Variants in MSH3 observed in about 807,000 individuals in gnomAD.
The protein encoded by MSH3 is mutS homolog 3, also known as DNA mismatch repair protein Msh3.
MSH3 carries 106 observed loss-of-function variants against 123.3 expected under a neutral mutation model. The ratio of observed to expected loss-of-function variants is 0.86; its 90% CI spans 0.73 to 1.01. The LOEUF is 1.01. Ranked by LOEUF, MSH3 falls within the 50% of genes least tolerant of loss-of-function variation. The pLI is 0.00. For missense variants in MSH3, 1,459 were observed against 1,347.6 expected, an observed-to-expected ratio of 1.08 and a Z score of -1.29; for synonymous variants, 515 against 481.4, an observed-to-expected ratio of 1.07 and a Z score of -0.91.
At chr5:80,839,568 T>C (rs968348614) in intron 20 of MSH3, among the ~76,000 whole-genome samples, 1 of 152,140 alleles carries the variant, frequency 6.6e-6, no homozygotes, top group African/African-American at 2.4e-5. Flanking sequence ...GAAGGATTGA[T>C]TATGTTGTTT....
chr5:80,854,307 C>T lies in MSH3; in HGVS notation c.2991C>T (p.Phe997=), dbSNP rs1249232114. ...IAIAYATLEY[F]IRDVKSLTLF... is the part of the protein sequence containing the mutation. The stretch of plus-strand genomic sequence containing the variant: ...TTGCCTATGCTACACTTGAGTATTT[C>T]ATCAGAGATGTAAGTATCCGGTAAA... Residue 997 remains phenylalanine (F), a synonymous_variant, in exon 21 of 24, where the codon TTC becomes TTT. Coordinates refer to ENST00000265081, the MANE Select transcript of MSH3 (RefSeq NM_002439.5). The T allele has an allele frequency of 1.9e-6, 3 of 1,613,094 alleles. No homozygotes were observed. In the South Asian group the frequency reaches 3.3e-5, roughly 18 times the overall value.
At chr5:80,794,067 G>A (rs1744653610) in intron 19 of MSH3, among the ~76,000 whole-genome samples, 1 of 152,156 alleles carries the variant, frequency 6.6e-6, no homozygotes, top group South Asian at 2.1e-4. Flanking sequence ...ACCTATCTGG[G>A]TTTACTAATT....
At chr5:80,826,297 T>C (rs1241558685) in intron 20 of MSH3, among the ~76,000 whole-genome samples, 1 of 152,244 alleles carries the variant, frequency 6.6e-6, no homozygotes, top group Non-Finnish European at 1.5e-5. Flanking sequence ...GAATATGTTA[T>C]TGTAAATCAC....
At chr5:80,806,357 A>G (rs543110926) in intron 19 of MSH3, among the ~76,000 whole-genome samples, 2 of 152,324 alleles carry the variant, frequency 1.3e-5, no homozygotes, top group South Asian at 2.1e-4. Context: ...TCGGCCTCCC[A>G]AAGTGCTGGG....
chr5:80,701,312 C>A (rs971487869), intron 8 of MSH3, among the ~76,000 whole-genome samples: 1 of 152,168 alleles, frequency 6.6e-6, no homozygotes, highest in African/African-American at 2.4e-5. Context: ...AACCCTGGCA[C>A]AGCCCTCTGA....
chr5:80,803,668 G>T (rs1407868990), intron 19 of MSH3, among the ~76,000 whole-genome samples: 3 of 151,910 alleles, frequency 2.0e-5, no homozygotes, highest in African/African-American at 4.8e-5. Flanking sequence ...GTGTTCTGAA[G>T]ATTTTCCCCA....
intron 8 of MSH3, among the ~76,000 whole-genome samples, chr5:80,706,348 C>T (rs1475435532): frequency 6.6e-6 from 1 of 152,050 alleles, no homozygotes; most frequent in Non-Finnish European, 1.5e-5. Flanking sequence ...AGCTTTTAAT[C>T]ATGCATGAAA....
intron 10 of MSH3, among the ~76,000 whole-genome samples, chr5:80,738,861 A>T (rs1283739668): frequency 2.0e-5 from 3 of 152,226 alleles, no homozygotes; most frequent in African/African-American, 4.8e-5. Flanking sequence ...GATCGTTTGT[A>T]AATGGGATTA....
chr5:80,870,744 CT>C (rs1191657205), intron 22 of MSH3, among the ~76,000 whole-genome samples: 1 of 152,174 alleles, frequency 6.6e-6, no homozygotes, highest in Non-Finnish European at 1.5e-5. Flanking sequence ...ATCCATTGTC[CT>C]TTTTCTCTGT....
intron 20 of MSH3, among the ~76,000 whole-genome samples, chr5:80,842,859 A>G (rs916434809): frequency 1.3e-5 from 2 of 152,114 alleles, no homozygotes; most frequent in Non-Finnish European, 2.9e-5. Flanking sequence ...AACAGGGACA[A>G]TTTGACTTCC....
intron 20 of MSH3, among the ~76,000 whole-genome samples, chr5:80,815,727 A>G (rs1166796719): frequency 2.6e-5 from 4 of 152,216 alleles, no homozygotes; most frequent in Non-Finnish European, 2.9e-5. Context: ...GGATCCTCCC[A>G]GAAAACTTAC....
rs1580556612 is a variant in MSH3 at position 80,679,083 on chromosome 5, A to G, written c.1330A>G (p.Thr444Ala). 4.3e-6 allele frequency: 7 copies of G among 1,614,028 alleles called. No homozygotes were observed. The highest frequency in any genetic ancestry group is 1.7e-4 in the Middle Eastern group (1 of 5,964). ...EQTEALIHRATSVSVQDDRIR... is the reference protein window; with the variant it reads ...EQTEALIHRAASVSVQDDRIR... The stretch of plus-strand genomic sequence containing the variant: ...AACAGAGGCGCTCATCCACAGAGCC[A>G]CATCTGTTAGGTAAGTTGGCACATC... Residue 444 changes from threonine (T) to alanine (A), a missense_variant, in exon 8 of 24, where the codon ACA becomes GCA. By Grantham distance (58) the Thr-to-Ala change is moderately conservative. Transcript: ENST00000265081.
At chr5:80,680,871 C>A (rs1022955278) in intron 8 of MSH3, among the ~76,000 whole-genome samples, 1 of 152,102 alleles carries the variant, frequency 6.6e-6, no homozygotes, top group African/African-American at 2.4e-5. Flanking sequence ...CATAATTTAT[C>A]CATTCCATTT....
At chr5:80,770,857 T>C (rs1156986734) in intron 15 of MSH3, among the ~76,000 whole-genome samples, 1 of 152,202 alleles carries the variant, frequency 6.6e-6, no homozygotes, top group Non-Finnish European at 1.5e-5. Context: ...GAGAGAAAAT[T>C]ATCAGGAATT....
intron 11 of MSH3, among the ~76,000 whole-genome samples, chr5:80,743,359 T>C (rs972621530): frequency 9.2e-5 from 14 of 152,148 alleles, no homozygotes; most frequent in Non-Finnish European, 1.5e-5. Context: ...TCCATTGAAC[T>C]CCTGAGGCCT....
At position 80,814,157 on chromosome 5, in the gene MSH3, GA is replaced by G. The variant is rs1172137771; in HGVS notation, c.2813+424del. Among the ~76,000 whole-genome samples the G allele has an allele frequency of 1.3e-5, 2 of 150,002 alleles. 1 individual carries two copies. Among genetic ancestry groups the G allele is most frequent in the Admixed American group, 1.3e-4 (2 of 15,040 alleles). On this transcript the variant is annotated intron_variant, in intron 20 of 23. Transcript: ENST00000265081. ...AAAAAAAAAAACAAAAACAAAAACA[GA>G]AAAAAAACCCACGTTATTTTTATTA...
Position 80,672,253 on chromosome 5 carries a change from C to T in MSH3, c.802C>T (p.Arg268Ter), listed in dbSNP as rs201033017. ...FFGEDAEIAA[R>*]ELNIYCHLDH... The stretch of plus-strand genomic sequence containing the variant: ...TTTTTTCATTTTTTAGATTGCAGCC[C>T]GAGAGCTCAATATTTATTGCCATTT... The change falls in exon 5 of 24, where the codon CGA (arginine) becomes TGA (stop). Residue 268 changes from arginine to a stop codon, truncating the protein, a stop_gained. Transcript: ENST00000265081. LOFTEE classifies it high-confidence loss of function. 1.4e-5 allele frequency: 23 copies of T among 1,611,038 alleles called. No homozygotes were observed. Among genetic ancestry groups the T allele is most frequent in the Admixed American group, 5.0e-5 (3 of 59,986 alleles).
chr5:80,840,918 T>A (rs193098587), intron 20 of MSH3, among the ~76,000 whole-genome samples: 1,536 of 151,578 alleles, frequency 0.01, 23 homozygotes, highest in African/African-American at 0.035. Flanking sequence ...TCTTTTTTTT[T>A]AATATACTTT....
chr5:80,775,932 C>G (rs1357256983), intron 16 of MSH3, among the ~76,000 whole-genome samples, 174 bp downstream of exon 16: 1 of 151,804 alleles, frequency 6.6e-6, no homozygotes, highest in Non-Finnish European at 1.5e-5. Context: ...CTCTGTCACC[C>G]AGGCTGGAGT....
Sources: allele counts gnomAD v4.1 joint callset (sites outside exome capture counted in the v4.1 genomes callset), GRCh38; gene constraint gnomAD v4.1.1; transcripts MANE v1.5; gene names NCBI Gene and HGNC (gene_info 2026-07-23, HGNC 2026-07-21).